The following NFYC variants were observed in gnomAD, a reference collection of about 807,000 sequenced individuals.
The protein encoded by NFYC is nuclear transcription factor Y subunit gamma.
Under a neutral mutation model 53.1 loss-of-function variants are expected in NFYC, and 25 were observed. The ratio of observed to expected loss-of-function variants is 0.47; its 90% confidence interval spans 0.34 to 0.66. NFYC has a LOEUF of 0.66. Ranked by LOEUF, NFYC falls within the 30% of genes least tolerant of loss-of-function variation. The pLI is 0.01. For missense variants in NFYC, 260 were observed against 422.7 expected (o/e 0.62, Z 3.38); for synonymous variants, 145 against 152.6 (o/e 0.95, Z 0.37).
intron 1 of NFYC, among the ~76,000 whole-genome samples, chr1:40,738,110 G>A (rs1645149973): frequency 6.6e-6 from 1 of 151,898 alleles, no homozygotes; most frequent in South Asian, 2.1e-4. Flanking sequence ...CACTGTTTTA[G>A]CCAGGATGGT....
intron 1 of NFYC, among the ~76,000 whole-genome samples, chr1:40,700,163 A>G (rs1643361011): frequency 6.6e-6 from 1 of 152,140 alleles, no homozygotes; most frequent in Non-Finnish European, 1.5e-5. Context: ...GGTAACGTAG[A>G]CTCTTAAGGA....
At chr1:40,704,765 A>G (rs1006539147) in intron 1 of NFYC, among the ~76,000 whole-genome samples, 16 of 152,206 alleles carry the variant, frequency 1.1e-4, no homozygotes, top group African/African-American at 3.9e-4. Flanking sequence ...CAGTGATCAG[A>G]CATTTGGTGG....
chr1:40,746,942 A>G (rs1645636288), intron 2 of NFYC, among the ~76,000 whole-genome samples: 1 of 152,170 alleles, frequency 6.6e-6, no homozygotes. Flanking sequence ...CCCACTTGAA[A>G]CAAATTTTGG....
chr1:40,734,650 C>T (rs896817696), intron 1 of NFYC, among the ~76,000 whole-genome samples: 13 of 152,114 alleles, frequency 8.5e-5, no homozygotes, highest in East Asian at 3.9e-4. Flanking sequence ...CGTGAACCAC[C>T]GTGCCCGGCC....
At chr1:40,729,034 TA>T (rs1457061176) in intron 1 of NFYC, among the ~76,000 whole-genome samples, 1 of 152,212 alleles carries the variant, frequency 6.6e-6, no homozygotes, top group Non-Finnish European at 1.5e-5. Context: ...ACAGTGAGCT[TA>T]AATAGTCAAC....
At chr1:40,715,116 T>TAAA (rs1557764245) in intron 1 of NFYC, among the ~76,000 whole-genome samples, 3 of 73,266 alleles carry the variant, frequency 4.1e-5, no homozygotes, top group African/African-American at 2.2e-4. Flanking sequence ...AAATAAATAA[T>TAAA]AATTTGGCTG....
chr1:40,695,684 G>C (rs1643094206), intron 1 of NFYC: 1 of 152,092 alleles, frequency 6.6e-6, no homozygotes, highest in African/African-American at 2.4e-5. Context: ...GCCTCCCAAA[G>C]TGCTGGGATT....
chr1:40,719,598 G>C (rs1644261517), intron 1 of NFYC, among the ~76,000 whole-genome samples: 1 of 152,178 alleles, frequency 6.6e-6, no homozygotes, highest in Admixed American at 6.5e-5. Context: ...TCTTGTTTAA[G>C]CTTTCTACTT....
At position 40,732,207 on chromosome 1, in the gene NFYC, A is replaced by T. The variant is rs1322817056; in HGVS notation, c.-8-6629A>T. On this transcript the variant is annotated intron_variant, in intron 1 of 9. Transcript: ENST00000447388. ...GTATTGTGGGTTTAGGCTACTATAA[A>T]AGAGTTTGGTATAGAGAATGAAGTA... Among the ~76,000 whole-genome samples, 2 of 152,242 alleles carry T rather than the reference A, an allele frequency of 1.3e-5. 1 individual carries two copies. Among genetic ancestry groups the T allele is most frequent in the Admixed American group, 1.3e-4 (2 of 15,280 alleles).
chr1:40,763,830 C>CATTGT (rs1646687231), intron 7 of NFYC, among the ~76,000 whole-genome samples: 1 of 152,198 alleles, frequency 6.6e-6, no homozygotes, highest in Non-Finnish European at 1.5e-5. Context: ...GCAGGGAAAT[C>CATTGT]ATTGTAACCA....
intron 6 of NFYC, 23 bp from the exon 7 acceptor site, chr1:40,762,865 A>G: frequency 6.5e-7 from 1 of 1,548,148 alleles, no homozygotes; most frequent in Non-Finnish European, 8.8e-7. Flanking sequence ...CTCACGCAGC[A>G]TTCTCATAAC....
rs1185989291 is a variant in NFYC, at chr1:40,747,727, TTTG to T, written c.177+125_177+127del. Reference sequence around the variant, plus strand: ...ACACACAAAAATTACTGTCTGTTGCTTTGTTATTTGGTTCCTGTGCAAAATTGT... The same window carrying T: ...ACACACAAAAATTACTGTCTGTTGCTTTATTTGGTTCCTGTGCAAAATTGT... On this transcript the variant is annotated intron_variant, in intron 3 of 9. Transcript: ENST00000447388. 31 of 692,266 alleles carry T rather than the reference TTTG, an allele frequency of 4.5e-5. 1 individual carries two copies. In the South Asian group the frequency reaches 5.8e-4, roughly 13 times the overall value. 42.9% of individuals were successfully genotyped at this position (692,266 alleles called of 1,614,324 possible). A position where few individuals can be genotyped will look rare whatever the true frequency, so the allele number is the denominator to read the frequency against.
intron 8 of NFYC, 68 bp downstream of exon 8, chr1:40,766,771 G>A (rs952627303): frequency 6.5e-7 from 1 of 1,532,200 alleles, no homozygotes; most frequent in Non-Finnish European, 9.0e-7. Context: ...CAGGAAAGGA[G>A]CGCTCAGCAC....
At chr1:40,696,048 A>AG (rs1643122344) in intron 1 of NFYC, among the ~76,000 whole-genome samples, 1 of 144,138 alleles carries the variant, frequency 6.9e-6, no homozygotes, top group South Asian at 2.2e-4. Flanking sequence ...TTTGAGATAG[A>AG]GTCTCGCACT....
At chr1:40,738,271 G>A (rs1308141527) in intron 1 of NFYC, among the ~76,000 whole-genome samples, 1 of 152,164 alleles carries the variant, frequency 6.6e-6, no homozygotes, top group African/African-American at 2.4e-5. Flanking sequence ...GGGCCCAAGT[G>A]ATCCTCCTGG....
At chr1:40,720,058 C>T (rs982938137) in intron 1 of NFYC, among the ~76,000 whole-genome samples, 2 of 152,188 alleles carry the variant, frequency 1.3e-5, no homozygotes, top group African/African-American at 4.8e-5. Flanking sequence ...TTTATGTTCT[C>T]AGTTCCTGAC....
At chr1:40,758,004 A>G (rs746578474) in intron 5 of NFYC, 117 bp from the exon 6 acceptor site, 1 of 1,077,484 alleles carries the variant, frequency 9.3e-7, no homozygotes, top group Non-Finnish European at 1.4e-6. Flanking sequence ...AAATGTGGAG[A>G]GCTCAGCATT....
At chr1:40,711,519 T>C (rs1420534558) in intron 1 of NFYC, among the ~76,000 whole-genome samples, 2 of 152,158 alleles carry the variant, frequency 1.3e-5, no homozygotes, top group African/African-American at 2.4e-5. Context: ...TTGAGAACTT[T>C]GTGGATTTGG....
chr1:40,709,180 T>A (rs527410816), intron 1 of NFYC, among the ~76,000 whole-genome samples: 9 of 152,322 alleles, frequency 5.9e-5, no homozygotes, highest in African/African-American at 1.9e-4. Flanking sequence ...CTTCTCAAGG[T>A]AACTTTAAAA....
Sources: allele counts gnomAD v4.1 joint callset (sites outside exome capture counted in the v4.1 genomes callset), GRCh38; gene constraint gnomAD v4.1.1; transcripts MANE v1.5; gene names NCBI Gene and HGNC (gene_info 2026-07-23, HGNC 2026-07-21).